The following PCBP3 variants were observed in gnomAD, a reference collection of about 807,000 sequenced individuals.
PCBP3 encodes the protein poly(rC)-binding protein 3.
In PCBP3, 25 loss-of-function variants were observed where a neutral mutation model predicts 52.7. The ratio of observed to expected loss-of-function variants is 0.47; its 90% confidence interval spans 0.35 to 0.66. The LOEUF is 0.66. Among genes scored for constraint, PCBP3 ranks in the 30% least tolerant of loss-of-function variants. PCBP3 has a pLI of 0.01. For missense variants in PCBP3, 391 were observed against 490.3 expected (o/e 0.80, Z 1.91); for synonymous variants, 162 against 183.0 (o/e 0.89, Z 0.93).
chr21:45,912,051 G>A (rs549679617), intron 11 of PCBP3, among the ~76,000 whole-genome samples: 5 of 152,286 alleles, frequency 3.3e-5, no homozygotes, highest in Admixed American at 6.5e-5. Context: ...ATGGAGGGCC[G>A]AGGTCCAGCT....
rs2084849259 is a variant in PCBP3 at position 45,724,043 on chromosome 21, A to G, written c.-199-11349A>G. Among the ~76,000 whole-genome samples the G allele has an allele frequency of 6.6e-6, 1 of 152,098 alleles. No homozygotes were observed. The highest frequency in any genetic ancestry group is 2.4e-5 in the African/African-American group (1 of 41,412). On this transcript the variant is annotated intron_variant, in intron 2 of 17. Transcript: ENST00000681687. This position sits in a 1 kb window ranked among gnomAD's most constrained non-coding sequence, Gnocchi z 5.3. ...TCTTGTTGGCACTGTAAAACTCTCA[A>G]TTCACTCACCTGGAGGGGGTAAGTT...
In PCBP3 at chr21:45,736,257, G is replaced by A. The variant is rs1262951447; in HGVS notation, c.-162+828G>A. ...GGATTGTTATTCCCTGAGGCTTGGC[G>A]AGGTGAAGTAACTCACTCAGGTTAT... is the stretch of plus-strand genomic sequence containing the variant. On this transcript the variant is annotated intron_variant, in intron 3 of 17. Transcript: ENST00000681687. The surrounding 1 kb of genome is among the most constrained non-coding windows in gnomAD (Gnocchi z 4.6). Among the ~76,000 whole-genome samples the A allele has an allele frequency of 6.6e-6, 1 of 152,186 alleles. No individual in the cohort carries two copies. Among genetic ancestry groups the A allele is most frequent in the African/African-American group, 2.4e-5 (1 of 41,440 alleles).
intron 4 of PCBP3, among the ~76,000 whole-genome samples, chr21:45,834,061 T>A (rs1469807048): frequency 3.3e-5 from 5 of 152,010 alleles, no homozygotes; most frequent in African/African-American, 1.2e-4. Context: ...CCAGGACATG[T>A]CCTGGGTAGG....
intron 1 of PCBP3, among the ~76,000 whole-genome samples, chr21:45,659,452 C>T (rs764093479): frequency 6.8e-6 from 1 of 146,610 alleles, no homozygotes; most frequent in South Asian, 2.3e-4. Flanking sequence ...TGAGCTCAAA[C>T]GATCTTCCCA....
chr21:45,838,557 TA>T (rs2093637438), intron 4 of PCBP3, among the ~76,000 whole-genome samples: 1 of 152,144 alleles, frequency 6.6e-6, no homozygotes, highest in South Asian at 2.1e-4. Context: ...AAAATTAAGA[TA>T]AATATTTTTA....
chr21:45,903,522 C>T (rs543474029), intron 9 of PCBP3, among the ~76,000 whole-genome samples: 4 of 151,882 alleles, frequency 2.6e-5, no homozygotes, highest in Non-Finnish European at 4.4e-5. Flanking sequence ...TGGTGGTGGG[C>T]GGTGTGTCCA....
At chr21:45,696,513 C>T (rs1212828943) in intron 2 of PCBP3, among the ~76,000 whole-genome samples, 3 of 152,158 alleles carry the variant, frequency 2.0e-5, no homozygotes, top group Non-Finnish European at 2.9e-5. Context: ...AATCAACAGG[C>T]TGGGTGCGGT....
At chr21:45,738,924 C>T (rs527375052) in intron 3 of PCBP3, among the ~76,000 whole-genome samples, 7 of 123,274 alleles carry the variant, frequency 5.7e-5, no homozygotes, top group Non-Finnish European at 1.2e-4. Flanking sequence ...GGGTGGCCCC[C>T]CCATCTTCAT....
At chr21:45,940,812 G>A (rs951070450) in intron 17 of PCBP3, among the ~76,000 whole-genome samples, 13 of 151,098 alleles carry the variant, frequency 8.6e-5, no homozygotes, top group Non-Finnish European at 1.8e-4. Context: ...CAGCCCCCCA[G>A]CCAGGCACGC....
intron 2 of PCBP3, among the ~76,000 whole-genome samples, chr21:45,688,945 C>G (rs1449653210): frequency 6.6e-6 from 1 of 151,574 alleles, no homozygotes; most frequent in Non-Finnish European, 1.5e-5. Context: ...AAATCCAAGT[C>G]CTTAATTTAA....
chr21:45,900,969 C>A, intron 8 of PCBP3, 28 bp from the exon 9 acceptor site: 1 of 1,543,768 alleles, frequency 6.5e-7, no homozygotes, highest in South Asian at 1.1e-5. Context: ...TTAATCAGGT[C>A]GCTGGGGTTT....
At chr21:45,906,337 C>T (rs1353153988) in intron 9 of PCBP3, among the ~76,000 whole-genome samples, 1 of 150,594 alleles carries the variant, frequency 6.6e-6, no homozygotes, top group Admixed American at 6.6e-5. Flanking sequence ...GGTATCTGTA[C>T]TGGCAGGACA....
chr21:45,645,044 C>T (rs1215457787), intron 1 of PCBP3, among the ~76,000 whole-genome samples: 1 of 152,132 alleles, frequency 6.6e-6, no homozygotes, highest in East Asian at 1.9e-4. Flanking sequence ...ATTTTGGCCC[C>T]AAAAGGAGTG....
In PCBP3 at chr21:45,656,342, A is replaced by C. The variant is rs1289143209; in HGVS notation, c.-279+12474A>C. The stretch of plus-strand genomic sequence containing the variant: ...AAAAGGATGAGTTCATATCCTTTGC[A>C]GGGACATGGATGAAGCTGGAAACCA... On this transcript the variant is annotated intron_variant, in intron 1 of 17. Transcript: ENST00000681687. This position sits in a 1 kb window ranked among gnomAD's most constrained non-coding sequence, Gnocchi z 4.3. 6.6e-6 allele frequency among the ~76,000 whole-genome samples: 1 copy of C among 152,226 alleles called. No homozygotes were observed. Among genetic ancestry groups the C allele is most frequent in the Non-Finnish European group, 1.5e-5 (1 of 68,036 alleles).
Position 45,814,492 on chromosome 21 carries a change from A to C in PCBP3, c.-125-35469A>C, listed in dbSNP as rs868580808. Among the ~76,000 whole-genome samples the C allele has an allele frequency of 4.9e-3, 150 of 30,394 alleles. 3 individuals are homozygous for C. Among genetic ancestry groups the C allele is most frequent in the African/African-American group, 0.035 (142 of 4,106 alleles). 19.9% of individuals were successfully genotyped at this position (30,394 alleles called of 152,430 possible). On this transcript the variant is annotated intron_variant, in intron 4 of 17. Coordinates refer to ENST00000681687, the MANE Select transcript of PCBP3 (RefSeq NM_001384156.1). ...AGTGGTGAGTGAGTGATGAGTGGTG[A>C]GTGAGTGGTGAGTGGTGAGTGATGA... is the stretch of plus-strand genomic sequence containing the variant.
chr21:45,818,576 C>T (rs528569935), intron 4 of PCBP3, among the ~76,000 whole-genome samples: 1 of 152,334 alleles, frequency 6.6e-6, no homozygotes, highest in African/African-American at 2.4e-5. Context: ...TTGTAAGAAA[C>T]TGCCAAACTA....
At chr21:45,897,331 AG>A (rs1164712172) in intron 6 of PCBP3, among the ~76,000 whole-genome samples, 1 of 152,114 alleles carries the variant, frequency 6.6e-6, no homozygotes, top group Non-Finnish European at 1.5e-5. Context: ...TTCCACCTGG[AG>A]TAGGTCGTCG....
In PCBP3 at chr21:45,739,586, G is replaced by GCCCC. The variant is rs398036502; in HGVS notation, c.-162+4163_-162+4166dup. ...CCTTCCTGTCCATTGTCCTCTGGGT[G>GCCCC]CCCCCCCCCATCTTCATCAGCCCAC... is the stretch of plus-strand genomic sequence containing the variant. On this transcript the variant is annotated intron_variant, in intron 3 of 17. Transcript: ENST00000681687. Among the ~76,000 whole-genome samples, 30 of 28,010 alleles carry GCCCC rather than the reference G, an allele frequency of 1.1e-3. 2 individuals carry two copies. Among genetic ancestry groups the GCCCC allele is most frequent in the East Asian group, 3.0e-3 (4 of 1,312 alleles). The allele number at this position is 28,010 out of a possible 152,430, so 18.4% of individuals were successfully genotyped here.
chr21:45,729,317 AT>A (rs1321109774), intron 2 of PCBP3, among the ~76,000 whole-genome samples: 1 of 152,182 alleles, frequency 6.6e-6, no homozygotes, highest in Non-Finnish European at 1.5e-5. Flanking sequence ...GCTGATGGAC[AT>A]TTGGGTTGTT....
Sources: allele counts gnomAD v4.1 joint callset (sites outside exome capture counted in the v4.1 genomes callset), GRCh38; gene constraint gnomAD v4.1.1; non-coding constraint Gnocchi (gnomAD v3.1); transcripts MANE v1.5; gene names NCBI Gene and HGNC (gene_info 2026-07-23, HGNC 2026-07-21).